The following ZNF429 variants were observed in gnomAD, a reference collection of about 807,000 sequenced individuals.
The protein encoded by ZNF429 is zinc finger protein 429.
Under a neutral mutation model 56.8 loss-of-function variants are expected in ZNF429, and 53 were observed. The observed-to-expected ratio is 0.93, with a 90% CI of 0.75 to 1.17. ZNF429 has a LOEUF of 1.17. Among genes scored for constraint, ZNF429 ranks in the 50% most tolerant of loss-of-function variants. ZNF429 has a pLI of 0.00. For synonymous variants in ZNF429, 278 were observed against 264.7 expected (o/e 1.05, Z -0.49); for missense variants, 849 against 788.4 (o/e 1.08, Z -0.92).
intron 3 of ZNF429, among the ~76,000 whole-genome samples, chr19:21,534,453 G>A: frequency 9.4e-6 from 1 of 106,200 alleles, no homozygotes; most frequent in Non-Finnish European, 2.1e-5. Flanking sequence ...TTGGCTCAAC[G>A]CAGCCTCAAC....
chr19:21,540,384 A>T lies in ZNF429; in HGVS notation c.*2306A>T, dbSNP rs971542797. 2.0e-5 allele frequency among the ~76,000 whole-genome samples: 3 copies of T among 151,962 alleles called. No individual in the cohort carries two copies. The highest frequency in any genetic ancestry group is 6.8e-3 in the Middle Eastern group (2 of 294). The stretch of plus-strand genomic sequence containing the variant: ...AGGTTAAATATTTATCCTTTTTTTG[A>T]TATTTAAATTTTTTTCTTATTTTTT... On this transcript the variant is annotated 3_prime_UTR_variant, in exon 4 of 4. Transcript: ENST00000358491.
chr19:21,535,781 G>A, intron 3 of ZNF429, among the ~76,000 whole-genome samples: 3 of 151,910 alleles, frequency 2.0e-5, no homozygotes, highest in Non-Finnish European at 4.4e-5. Context: ...CCAAAGTGCT[G>A]GGATTACAGG....
At chr19:21,506,767 G>GTTT (rs60650857) in intron 1 of ZNF429, among the ~76,000 whole-genome samples, 15 of 111,752 alleles carry the variant, frequency 1.3e-4, no homozygotes, top group Non-Finnish European at 2.3e-4. Flanking sequence ...TTAGTTTTTT[G>GTTT]TTTTTTTTTT....
intron 3 of ZNF429, among the ~76,000 whole-genome samples, chr19:21,532,729 C>T: frequency 1.0e-4 from 15 of 149,248 alleles, no homozygotes; most frequent in South Asian, 4.2e-4. Flanking sequence ...ACGGTGGTCT[C>T]GCTTTGTCAC....
chr19:21,530,933 G>T, intron 3 of ZNF429, among the ~76,000 whole-genome samples: 1 of 151,554 alleles, frequency 6.6e-6, no homozygotes, highest in Non-Finnish European at 1.5e-5. Flanking sequence ...TCATGAAACT[G>T]CATCTCTACT....
chr19:21,512,932 C>T lies in ZNF429; in HGVS notation c.3+7158C>T, dbSNP rs140279311. On this transcript the variant is annotated intron_variant, in intron 1 of 3. Coordinates refer to ENST00000358491, the MANE Select transcript of ZNF429 (RefSeq NM_001001415.4). ...TGTCTTGCACGCTGGAGTGCAGTGG[C>T]GTGATCTCGGCTTACTGCAAGCTCC... is the stretch of plus-strand genomic sequence containing the variant. Among the ~76,000 whole-genome samples the T allele has an allele frequency of 4.6e-5, 7 of 150,552 alleles. No homozygotes were observed. The East Asian group carries it at 1.0e-3, about 22-fold the overall frequency.
intron 1 of ZNF429, 41 bp downstream of exon 1, chr19:21,505,815 G>A (rs763388208): frequency 1.9e-6 from 3 of 1,607,120 alleles, no homozygotes; most frequent in Non-Finnish European, 8.5e-7. Flanking sequence ...AGGGGGAGGG[G>A]CTGGTCGGAA....
rs547345193 is a variant in ZNF429 at position 21,522,754 on chromosome 19, G to A, written c.4-6904G>A. Among the ~76,000 whole-genome samples, 18 of 152,180 alleles carry A rather than the reference G, an allele frequency of 1.2e-4. 1 individual carries two copies. The highest frequency in any genetic ancestry group is 4.6e-4 in the Admixed American group (7 of 15,284). On this transcript the variant is annotated intron_variant, in intron 1 of 3. Coordinates refer to ENST00000358491, the MANE Select transcript of ZNF429 (RefSeq NM_001001415.4). The stretch of plus-strand genomic sequence containing the variant: ...CTCTAAAAAAATACAAAAATTAGCC[G>A]GGCATGATGGCAGGTGCCTGCAATC...
At chr19:21,529,141 T>C (rs1469851073) in intron 1 of ZNF429, 1 of 152,228 alleles carries the variant, frequency 6.6e-6, no homozygotes, top group African/African-American at 2.4e-5. Flanking sequence ...TGACAAAATA[T>C]TCTTTTTGGA....
chr19:21,519,085 T>C (rs2032890322), intron 1 of ZNF429: 1 of 152,198 alleles, frequency 6.6e-6, no homozygotes, highest in African/African-American at 2.4e-5. Flanking sequence ...TAGGTTCTGA[T>C]ATCTGCTAAT....
intron 1 of ZNF429, among the ~76,000 whole-genome samples, chr19:21,512,907 T>A (rs999381021): frequency 1.3e-5 from 2 of 151,510 alleles, no homozygotes; most frequent in Admixed American, 1.3e-4. Flanking sequence ...AGTCTCACTC[T>A]GTCTTGCACG....
intron 1 of ZNF429, among the ~76,000 whole-genome samples, chr19:21,519,654 G>C (rs1173844748): frequency 1.3e-5 from 2 of 152,112 alleles, no homozygotes; most frequent in African/African-American, 4.8e-5. Flanking sequence ...TGCTGTCTTT[G>C]TCCTTGGCCC....
At chr19:21,524,802 G>A (rs969134055) in intron 1 of ZNF429, among the ~76,000 whole-genome samples, 7 of 152,090 alleles carry the variant, frequency 4.6e-5, no homozygotes, top group African/African-American at 7.2e-5. Context: ...GGTTAATTCC[G>A]CTTCTGTTTC....
At chr19:21,531,445 A>G in intron 3 of ZNF429, among the ~76,000 whole-genome samples, 1 of 152,162 alleles carries the variant, frequency 6.6e-6, no homozygotes, top group African/African-American at 2.4e-5. Context: ...ACTGTATTGT[A>G]CCCATTGTTA....
At chr19:21,532,833 G>T in intron 3 of ZNF429, among the ~76,000 whole-genome samples, 1 of 151,902 alleles carries the variant, frequency 6.6e-6, no homozygotes, top group Admixed American at 6.6e-5. Context: ...CAAGTAGCTG[G>T]GACTACAGGT....
chr19:21,531,271 C>T, intron 3 of ZNF429, among the ~76,000 whole-genome samples: 18 of 151,988 alleles, frequency 1.2e-4, no homozygotes, highest in Admixed American at 1.2e-3. Flanking sequence ...GACCCTAGTA[C>T]AGACCCCGCA....
At chr19:21,511,658 C>T (rs2065260615) in intron 1 of ZNF429, among the ~76,000 whole-genome samples, 1 of 151,748 alleles carries the variant, frequency 6.6e-6, no homozygotes, top group South Asian at 2.1e-4. Context: ...AGACGCTCCT[C>T]ACTTCCCAGA....
Position 21,539,439 on chromosome 19 carries a change from T to G in ZNF429, c.*1361T>G, listed in dbSNP as rs1200317330. ...AAAGTGTACTTTTTATTTATTTTTT[T>G]GAGATGGAGTCTCACTTTGTTGCCT... On this transcript the variant is annotated 3_prime_UTR_variant, in exon 4 of 4. Transcript: ENST00000358491. Among the ~76,000 whole-genome samples, 1 of 152,186 alleles carries G rather than the reference T, an allele frequency of 6.6e-6. No homozygotes were observed. Among genetic ancestry groups the G allele is most frequent in the Non-Finnish European group, 1.5e-5 (1 of 68,030 alleles).
In ZNF429 at chr19:21,535,441, TTTC is replaced by T; in HGVS notation, c.227-836_227-834del. Among the ~76,000 whole-genome samples, 70 of 63,956 alleles carry T rather than the reference TTTC, an allele frequency of 1.1e-3. 5 individuals are homozygous for T. Among genetic ancestry groups the T allele is most frequent in the African/African-American group, 2.4e-3 (32 of 13,298 alleles). The allele number at this position is 63,956 out of a possible 152,430, so 42.0% of individuals were successfully genotyped here. A position where few individuals can be genotyped will look rare whatever the true frequency, so the allele number is the denominator to read the frequency against. ...CTTTCTTTCTTTCTTTCTTTCTTTC[TTTC>T]TTTCTTTCTTTCTTTCTTTCTTTCT... On this transcript the variant is annotated intron_variant, in intron 3 of 3. Coordinates refer to ENST00000358491, the MANE Select transcript of ZNF429 (RefSeq NM_001001415.4).
Sources: allele counts gnomAD v4.1 joint callset (sites outside exome capture counted in the v4.1 genomes callset), GRCh38; gene constraint gnomAD v4.1.1; transcripts MANE v1.5; gene names NCBI Gene and HGNC (gene_info 2026-07-23, HGNC 2026-07-21).